The following GAB2 variants were observed in gnomAD, a reference collection of about 807,000 sequenced individuals.
The protein encoded by GAB2 is GRB2-associated-binding protein 2.
A neutral mutation model predicts 65.5 loss-of-function variants in GAB2; 26 were observed. The observed-to-expected ratio is 0.40, with a 90% CI of 0.29 to 0.55. GAB2 has a LOEUF of 0.55. Among genes scored for constraint, GAB2 ranks in the 20% least tolerant of loss-of-function variants. The pLI is 0.53. For synonymous variants in GAB2, 321 were observed against 329.6 expected (o/e 0.97, Z 0.28); for missense variants, 884 against 875.8 (o/e 1.01, Z -0.12).
intron 1 of GAB2, among the ~76,000 whole-genome samples, chr11:78,408,118 T>A (rs1344494247): frequency 6.6e-6 from 1 of 152,162 alleles, no homozygotes; most frequent in African/African-American, 2.4e-5. Context: ...AAGCACATAG[T>A]AAACAAAAAT....
At chr11:78,318,962 C>CA (rs558466360) in intron 1 of GAB2, among the ~76,000 whole-genome samples, 176 of 152,292 alleles carry the variant, frequency 1.2e-3, no homozygotes, top group African/African-American at 4.0e-3. Context: ...TCCCTTCTCA[C>CA]AGCATTATCC....
At position 78,215,883 on chromosome 11, in the gene GAB2, A is replaced by G. The variant is rs1364429907; in HGVS notation, c.*3389T>C. The G allele has an allele frequency of 6.5e-6, 1 of 152,714 alleles. No homozygotes were observed. Among genetic ancestry groups the G allele is most frequent in the African/African-American group, 2.4e-5 (1 of 41,444 alleles). The allele number at this position is 152,714 out of a possible 1,614,324, so 9.5% of individuals were successfully genotyped here. A position where few individuals can be genotyped will look rare whatever the true frequency, so the allele number is the denominator to read the frequency against. ...GAAATGGGATAGGGGTGCTGGGCCG[A>G]GATGTCCCCATGGGAGAAGGGGCCA... On this transcript the variant is annotated 3_prime_UTR_variant, in exon 10 of 10. Coordinates refer to ENST00000361507, the MANE Select transcript of GAB2 (RefSeq NM_080491.3).
intron 3 of GAB2, among the ~76,000 whole-genome samples, chr11:78,227,469 A>G (rs1371237609): frequency 6.6e-6 from 1 of 152,108 alleles, no homozygotes; most frequent in Non-Finnish European, 1.5e-5. Flanking sequence ...AAACTAGCCC[A>G]TGGGTATTGA....
intron 1 of GAB2, among the ~76,000 whole-genome samples, chr11:78,334,899 G>A (rs763163720): frequency 1.5e-4 from 23 of 152,136 alleles, no homozygotes; most frequent in African/African-American, 2.2e-4. Context: ...CTACATCCTC[G>A]CCAGCATTTG....
chr11:78,323,384 C>T (rs759787267), intron 1 of GAB2, among the ~76,000 whole-genome samples: 45 of 152,116 alleles, frequency 3.0e-4, no homozygotes, highest in Non-Finnish European at 6.2e-4. Context: ...GTGACGTGTG[C>T]CTGTAATCCC....
intron 1 of GAB2, 116 bp downstream of exon 1, chr11:78,417,530 C>T: frequency 1.0e-5 from 4 of 388,226 alleles, no homozygotes; most frequent in Non-Finnish European, 1.5e-5. Flanking sequence ...CGCCCCCGGC[C>T]CCCCGCGGCT....
intron 3 of GAB2, among the ~76,000 whole-genome samples, chr11:78,245,426 G>A (rs575639986): frequency 8.5e-5 from 13 of 152,114 alleles, no homozygotes; most frequent in Admixed American, 1.3e-4. Context: ...GACTAGAATG[G>A]TATCCTTTAA....
At chr11:78,271,947 C>G (rs761918043) in intron 2 of GAB2, among the ~76,000 whole-genome samples, 2 of 152,204 alleles carry the variant, frequency 1.3e-5, no homozygotes, top group Non-Finnish European at 2.9e-5. Flanking sequence ...CTCTTGAGAT[C>G]TGATGGTTTT....
chr11:78,362,897 G>A (rs1856452325), intron 1 of GAB2, among the ~76,000 whole-genome samples: 1 of 152,152 alleles, frequency 6.6e-6, no homozygotes, highest in Non-Finnish European at 1.5e-5. Context: ...AAAGATAAGA[G>A]GTTCAAAGGC....
intron 2 of GAB2, among the ~76,000 whole-genome samples, chr11:78,280,123 A>G (rs1466511356): frequency 1.3e-5 from 2 of 152,240 alleles, no homozygotes; most frequent in African/African-American, 4.8e-5. Flanking sequence ...GTAAACATAA[A>G]TGAACACTGA....
At chr11:78,277,461 C>T (rs577442344) in intron 2 of GAB2, among the ~76,000 whole-genome samples, 69 of 152,306 alleles carry the variant, frequency 4.5e-4, no homozygotes, top group Non-Finnish European at 7.5e-4. Context: ...TGGGGAAAGA[C>T]GGTCTCCCAA....
chr11:78,365,471 C>A (rs1334378763), intron 1 of GAB2, among the ~76,000 whole-genome samples: 2 of 152,222 alleles, frequency 1.3e-5, no homozygotes, highest in Non-Finnish European at 2.9e-5. Context: ...AACAAAGCCA[C>A]TGGCATTCCT....
intron 1 of GAB2, among the ~76,000 whole-genome samples, chr11:78,293,493 T>C (rs1025818052): frequency 1.9e-4 from 29 of 152,232 alleles, no homozygotes; most frequent in African/African-American, 6.0e-4. Flanking sequence ...ACACAATCTC[T>C]ATTCCAGGTA....
intron 1 of GAB2, among the ~76,000 whole-genome samples, chr11:78,351,139 A>G (rs1404194191): frequency 6.6e-6 from 1 of 152,194 alleles, no homozygotes; most frequent in African/African-American, 2.4e-5. Flanking sequence ...TCCTTCTCCT[A>G]AAATACGACA....
intron 1 of GAB2, among the ~76,000 whole-genome samples, chr11:78,298,141 T>C (rs1361271280): frequency 1.3e-5 from 2 of 152,198 alleles, no homozygotes; most frequent in African/African-American, 4.8e-5. Context: ...GAAGCCCAGA[T>C]AGACTACTGC....
rs1554999817 is a variant in GAB2 at position 78,398,021 on chromosome 11, T to TACACACACACACACACACACACAC, written c.75+19624_75+19625insGTGTGTGTGTGTGTGTGTGTGTGT. Among the ~76,000 whole-genome samples, 711 of 112,510 alleles carry TACACACACACACACACACACACAC rather than the reference T, an allele frequency of 6.3e-3. 4 individuals are homozygous for TACACACACACACACACACACACAC. The highest frequency in any genetic ancestry group is 0.021 in the African/African-American group (681 of 31,808). 73.8% of individuals were successfully genotyped at this position (112,510 alleles called of 152,430 possible). A position where few individuals can be genotyped will look rare whatever the true frequency, so the allele number is the denominator to read the frequency against. The stretch of plus-strand genomic sequence containing the variant: ...TGCTATGGTCCTGCCTGTGAATAGC[T>TACACACACACACACACACACACAC]ACACACACACACACACACACATCCC... On this transcript the variant is annotated intron_variant, in intron 1 of 9. Coordinates refer to ENST00000361507, the MANE Select transcript of GAB2 (RefSeq NM_080491.3).
intron 1 of GAB2, among the ~76,000 whole-genome samples, chr11:78,321,764 A>C (rs1209342401): frequency 6.6e-6 from 1 of 152,182 alleles, no homozygotes; most frequent in Non-Finnish European, 1.5e-5. Flanking sequence ...TATTGTAACC[A>C]ACACAGCATG....
intron 1 of GAB2, among the ~76,000 whole-genome samples, chr11:78,307,557 A>C (rs545280207): frequency 6.7e-6 from 1 of 149,436 alleles, no homozygotes; most frequent in South Asian, 2.1e-4. Context: ...CAGGAGTTTG[A>C]GACCAGCATG....
chr11:78,235,895 C>T (rs1864966643), intron 3 of GAB2, among the ~76,000 whole-genome samples: 1 of 152,212 alleles, frequency 6.6e-6, no homozygotes, highest in South Asian at 2.1e-4. Flanking sequence ...GTCGCTTCCA[C>T]ATTTTTGGTA....
Sources: gnomAD v4.1 joint callset for allele counts (sites outside exome capture counted in the v4.1 genomes callset) on GRCh38, gnomAD v4.1.1 for gene constraint, MANE v1.5 for transcripts, NCBI Gene and HGNC (gene_info 2026-07-23, HGNC 2026-07-21) for gene names.